The following SUGCT variants were observed in gnomAD, a reference collection of about 807,000 sequenced individuals.
The protein encoded by SUGCT is succinyl-CoA:glutarate CoA-transferase.
Under a neutral mutation model 55.0 loss-of-function variants are expected in SUGCT, and 41 were observed. The ratio of observed to expected loss-of-function variants is 0.74; its 90% CI spans 0.58 to 0.97. The LOEUF (loss-of-function observed/expected upper bound fraction) is 0.97, where lower values mean the gene tolerates loss of function less well. Among genes scored for constraint, SUGCT ranks in the 50% least tolerant of loss-of-function variants. The pLI, the probability that SUGCT is intolerant of heterozygous loss-of-function variation, is 0.00. For synonymous variants in SUGCT, 187 were observed against 200.4 expected (o/e 0.93, Z 0.56); for missense variants, 568 against 547.8 (o/e 1.04, Z -0.37).
At chr7:40,670,191 AAAGAAGAAG>A (rs1005001390) in intron 12 of SUGCT, among the ~76,000 whole-genome samples, 6 of 148,668 alleles carry the variant, frequency 4.0e-5, no homozygotes, top group Non-Finnish European at 7.4e-5. Flanking sequence ...AAAAAAAAAA[AAAGAAGAAG>A]AAGAAGAAGA....
At chr7:40,986,775 CTCA>C in the SUGCT span, among the ~76,000 whole-genome samples, 2 of 152,160 alleles carry the variant, frequency 1.3e-5, no homozygotes, top group Admixed American at 6.5e-5. Flanking sequence ...ACTGTCATTT[CTCA>C]TCAACAACGA....
intron 9 of SUGCT, among the ~76,000 whole-genome samples, chr7:40,445,100 T>C (rs772632231): frequency 5.9e-5 from 9 of 152,040 alleles, no homozygotes; most frequent in Non-Finnish European, 8.8e-5. Context: ...GATAAGCTTT[T>C]TGAAGTGCTG....
intron 12 of SUGCT, among the ~76,000 whole-genome samples, chr7:40,565,630 G>C (rs530010068): frequency 3.3e-5 from 5 of 152,138 alleles, no homozygotes; most frequent in Admixed American, 3.3e-4. Context: ...CAAATCCTCC[G>C]ATGTCTTTCC....
At chr7:40,147,177 G>A (rs1217245102) in intron 1 of SUGCT, among the ~76,000 whole-genome samples, 4 of 152,004 alleles carry the variant, frequency 2.6e-5, no homozygotes, top group Non-Finnish European at 5.9e-5. Flanking sequence ...CTAGGGGAGG[G>A]ACCAGCAGGA....
At chr7:41,027,749 A>G in the SUGCT span, among the ~76,000 whole-genome samples, 2 of 152,240 alleles carry the variant, frequency 1.3e-5, no homozygotes, top group Admixed American at 6.5e-5. Context: ...GAAAATAGAC[A>G]TAACAGGGAC....
intron 13 of SUGCT, among the ~76,000 whole-genome samples, chr7:40,817,056 A>G (rs1007017329): frequency 1.3e-5 from 2 of 152,208 alleles, no homozygotes; most frequent in South Asian, 2.1e-4. Context: ...CTATTGTCCA[A>G]TATCACATTT....
At chr7:40,569,921 G>A (rs1796351360) in intron 12 of SUGCT, among the ~76,000 whole-genome samples, 1 of 152,034 alleles carries the variant, frequency 6.6e-6, no homozygotes, top group African/African-American at 2.4e-5. Context: ...AAATTTATGC[G>A]ATTATTCTTT....
At chr7:40,621,345 A>G (rs1458355821) in intron 12 of SUGCT, among the ~76,000 whole-genome samples, 2 of 152,056 alleles carry the variant, frequency 1.3e-5, no homozygotes. Context: ...TTCTCCTTGT[A>G]ATGATCAGTG....
chr7:40,690,949 C>T (rs1451389266), intron 12 of SUGCT, among the ~76,000 whole-genome samples: 3 of 152,196 alleles, frequency 2.0e-5, no homozygotes, highest in Non-Finnish European at 4.4e-5. Flanking sequence ...GACAGACACC[C>T]TCAAGGTCTG....
At chr7:40,848,036 C>T (rs988678924) in intron 13 of SUGCT, among the ~76,000 whole-genome samples, 2 of 152,142 alleles carry the variant, frequency 1.3e-5, no homozygotes, top group East Asian at 1.9e-4. Flanking sequence ...GAAACAAGGG[C>T]GTGCCAATTA....
At chr7:40,537,060 A>G (rs531353873) in intron 12 of SUGCT, among the ~76,000 whole-genome samples, 6 of 152,344 alleles carry the variant, frequency 3.9e-5, no homozygotes, top group African/African-American at 1.4e-4. Flanking sequence ...ACACCATTGC[A>G]ACAATCTGGA....
At chr7:40,212,596 G>A (rs1032720509) in intron 6 of SUGCT, among the ~76,000 whole-genome samples, 8 of 151,946 alleles carry the variant, frequency 5.3e-5, no homozygotes, top group Admixed American at 1.3e-4. Flanking sequence ...ATGCAGTGGC[G>A]CGATCTCAGC....
intron 11 of SUGCT, among the ~76,000 whole-genome samples, chr7:40,478,756 A>G (rs1036217858): frequency 2.6e-5 from 4 of 152,108 alleles, no homozygotes; most frequent in Admixed American, 1.3e-4. Context: ...CACGTTGTTT[A>G]CTATATCTCC....
chr7:40,947,898 A>G, the SUGCT span, among the ~76,000 whole-genome samples: 1 of 152,206 alleles, frequency 6.6e-6, no homozygotes, highest in Non-Finnish European at 1.5e-5. Flanking sequence ...CAGAACCCCA[A>G]GTTCATTCAT....
chr7:40,702,987 AT>A (rs1237874130), intron 12 of SUGCT, among the ~76,000 whole-genome samples: 1 of 151,750 alleles, frequency 6.6e-6, no homozygotes, highest in East Asian at 1.9e-4. Context: ...AAGGAAAAGC[AT>A]CTAAATGCTA....
chr7:40,882,939 G>C, the SUGCT span, among the ~76,000 whole-genome samples: 1 of 152,110 alleles, frequency 6.6e-6, no homozygotes, highest in Non-Finnish European at 1.5e-5. Flanking sequence ...CCTTCGTTTA[G>C]CTTTGAAAAC....
In SUGCT at chr7:40,166,090, C is replaced by G. The variant is rs149405485; in HGVS notation, c.101-14857C>G. Among the ~76,000 whole-genome samples, 67 of 152,218 alleles carry G rather than the reference C, an allele frequency of 4.4e-4. No homozygotes were observed. The East Asian group carries it at 0.013, about 28-fold the overall frequency. ...GGAGCCGAGATTGTGCCTCTGCACT[C>G]CAGCCTGGGTGACAGAGCTAGACTC... On this transcript the variant is annotated intron_variant, in intron 1 of 13. Coordinates refer to ENST00000335693, the MANE Select transcript of SUGCT (RefSeq NM_001193313.2).
At chr7:40,237,771 A>C (rs763708382) in intron 7 of SUGCT, 45 bp downstream of exon 7, 10 of 1,534,034 alleles carry the variant, frequency 6.5e-6, no homozygotes, top group Middle Eastern at 1.7e-4. Context: ...TCCCTTACAT[A>C]TTCCAAAAGG....
chr7:40,830,344 C>T (rs555844332), intron 13 of SUGCT, among the ~76,000 whole-genome samples: 1 of 152,312 alleles, frequency 6.6e-6, no homozygotes, highest in East Asian at 1.9e-4. Context: ...TATCAACAGA[C>T]CATTGGTCCT....
Sources: gnomAD v4.1 joint callset for allele counts (sites outside exome capture counted in the v4.1 genomes callset) on GRCh38, gnomAD v4.1.1 for gene constraint, MANE v1.5 for transcripts, NCBI Gene and HGNC (gene_info 2026-07-23, HGNC 2026-07-21) for gene names.